The following TMC6 variants were observed in gnomAD, a reference collection of about 807,000 sequenced individuals.
TMC6 encodes transmembrane channel-like protein 6.
In TMC6, 71 loss-of-function variants were observed where a neutral mutation model predicts 95.4. The ratio of observed to expected loss-of-function variants is 0.74; its 90% CI spans 0.61 to 0.91. The LOEUF (loss-of-function observed/expected upper bound fraction) is 0.91, where lower values mean the gene tolerates loss of function less well. TMC6 is among the 40% of genes least tolerant of loss of function. The probability of loss-of-function intolerance (pLI) is 0.00; values close to 1 mark genes in which losing one functional copy is unlikely to be tolerated. For missense variants in TMC6, 1,074 were observed against 1,079.1 expected (o/e 1.00, Z 0.07); for synonymous variants, 514 against 483.1 (o/e 1.06, Z -0.84).
rs2144783532 is a variant in TMC6, at chr17:78,109,800, C to T, written c.*3348G>A. The T allele has an allele frequency of 2.9e-6, 1 of 342,934 alleles. No homozygotes were observed. Among genetic ancestry groups the T allele is most frequent in the East Asian group, 8.0e-5 (1 of 12,452 alleles). The allele number at this position is 342,934 out of a possible 1,614,324, so 21.2% of individuals were successfully genotyped here. ...ATTCACATCCGGCCAGGCATGGTGG[C>T]TCATGCCTGTAATCCCAGCACTTTG... On this transcript the variant is annotated 3_prime_UTR_variant, in exon 20 of 20. Coordinates refer to ENST00000590602, the MANE Select transcript of TMC6 (RefSeq NM_001127198.5).
Position 78,128,305 on chromosome 17 carries a change from T to TC in TMC6, c.-75+306dup, listed in dbSNP as rs2074840607. 6.6e-6 allele frequency among the ~76,000 whole-genome samples: 1 copy of TC among 151,310 alleles called. No homozygotes were observed. The highest frequency in any genetic ancestry group is 2.4e-5 in the African/African-American group (1 of 41,218). ...CGAACCCGTCCAGCCGGCCTCCCTGTCCCCCGCCCCTTCCCATCCCGGCCA... is the reference window on the plus strand; with the variant it reads ...CGAACCCGTCCAGCCGGCCTCCCTGTCCCCCCGCCCCTTCCCATCCCGGCCA... On this transcript the variant is annotated intron_variant, in intron 1 of 19. Transcript: ENST00000590602. The surrounding 1 kb of genome is among the most constrained non-coding windows in gnomAD (Gnocchi z 4.0).
In TMC6 at chr17:78,112,809, C is replaced by G. The variant is rs2073860680; in HGVS notation, c.*339G>C. The G allele has an allele frequency of 2.5e-6, 1 of 406,582 alleles. No individual in the cohort carries two copies. Among genetic ancestry groups the G allele is most frequent in the Non-Finnish European group, 4.5e-6 (1 of 224,182 alleles). 25.2% of individuals were successfully genotyped at this position (406,582 alleles called of 1,614,324 possible). On this transcript the variant is annotated 3_prime_UTR_variant, in exon 20 of 20. Coordinates refer to ENST00000590602, the MANE Select transcript of TMC6 (RefSeq NM_001127198.5). ...GGGGCTTGGCCAGCAGAGGGCGCCC[C>G]CACTCCAGCTGAGGTTCCCAGGACC...
Position 78,124,723 on chromosome 17 carries a change from C to T in TMC6, c.692G>A (p.Arg231His), listed in dbSNP as rs748531251. Residue 231 changes from arginine to histidine, a missense_variant, in exon 8 of 20, where the codon CGC (arginine) becomes CAC (histidine). Coordinates refer to ENST00000590602, the MANE Select transcript of TMC6 (RefSeq NM_001127198.5). ...GCCCCCGATGCGCTTCAGGGCGTAG[C>T]GCCACGGCATCAGGGCCTGCAGGGC... ...LSALQALMPWRYALKRIGGQF... is the reference protein window; with the variant it reads ...LSALQALMPWHYALKRIGGQF... 13 of 1,591,798 alleles carry T rather than the reference C, an allele frequency of 8.2e-6. No individual in the cohort carries two copies. Among genetic ancestry groups the T allele is most frequent in the Admixed American group, 7.1e-5 (4 of 56,152 alleles).
chr17:78,120,773 C>A lies in TMC6; in HGVS notation c.1595G>T (p.Arg532Met). The change falls in exon 13 of 20, where the codon AGG becomes ATG. Residue 532 changes from arginine to methionine, a missense_variant. Physicochemically the swap from Arg to Met is moderately conservative, Grantham distance 91. Coordinates refer to ENST00000590602, the MANE Select transcript of TMC6 (RefSeq NM_001127198.5). Reference sequence around the variant, plus strand: ...GCACTGGCCCTGCAGGACGCCCACCCTGCGGCCCAGCCAGTGGTAGCACAG... The same window carrying A: ...GCACTGGCCCTGCAGGACGCCCACCATGCGGCCCAGCCAGTGGTAGCACAG... ...GTLCYHWLGR[R>M]VGVLQGQCWE... 6.2e-7 allele frequency: 1 copy of A among 1,613,362 alleles called. No individual in the cohort carries two copies. Among genetic ancestry groups the A allele is most frequent in the South Asian group, 1.1e-5 (1 of 91,086 alleles).
intron 12 of TMC6, 66 bp from the exon 13 acceptor site, chr17:78,120,898 C>T (rs1598850956): frequency 3.1e-6 from 5 of 1,611,036 alleles, no homozygotes; most frequent in Middle Eastern, 1.6e-4. Flanking sequence ...CCCCAGGGCC[C>T]CCACCAGGGG....
intron 15 of TMC6, among the ~76,000 whole-genome samples, chr17:78,118,578 G>C (rs114148537): frequency 4.6e-5 from 5 of 109,644 alleles, no homozygotes; most frequent in Non-Finnish European, 9.4e-5. Flanking sequence ...AAAATAAAAA[G>C]ACAGGAGCCA....
rs1440334090 is a variant in TMC6 at position 78,124,893 on chromosome 17, A to T, written c.629T>A (p.Val210Glu). 6.3e-7 allele frequency: 1 copy of T among 1,596,612 alleles called. No homozygotes were observed. Among genetic ancestry groups the T allele is most frequent in the Admixed American group, 1.7e-5 (1 of 57,946 alleles). Residue 210 changes from valine to glutamate, a missense_variant, in exon 7 of 20, where the codon GTG becomes GAG. By Grantham distance (121) the Val-to-Glu change is moderately radical. Transcript: ENST00000590602. ...SCCGRLRYAC[V>E]LALHSLGLAL... ...GGGCAGACCAGGGGCCCATACCAGC[A>T]CGCAGGCATATCTGAGCCGGCCACA... is the stretch of plus-strand genomic sequence containing the variant.
In TMC6 at chr17:78,119,400, C is replaced by G. The variant is rs781091487; in HGVS notation, c.1716-8G>C. On this transcript the variant is annotated splice_region_variant and splice_polypyrimidine_tract_variant and intron_variant, in intron 13 of 19. Coordinates refer to ENST00000590602, the MANE Select transcript of TMC6 (RefSeq NM_001127198.5). ...TTCTTCTCGGAGATAATCCTGCCTCCGAGGACCCCGGATCGTTAGATGGGA... is the reference window on the plus strand; with the variant it reads ...TTCTTCTCGGAGATAATCCTGCCTCGGAGGACCCCGGATCGTTAGATGGGA... 6.2e-7 allele frequency: 1 copy of G among 1,613,788 alleles called. No individual in the cohort carries two copies. The highest frequency in any genetic ancestry group is 1.1e-5 in the South Asian group (1 of 91,076).
In TMC6 at chr17:78,121,314, G is replaced by T. The variant is rs1418444999; in HGVS notation, c.1384-150C>A. ...CCAGGCCTCAAGTTCAAACCACACA[G>T]GAAGCAGGGAGGGGTACAAGTAGTG... On this transcript the variant is annotated intron_variant, in intron 11 of 19. Transcript: ENST00000590602. This position sits in a 1 kb window ranked among gnomAD's most constrained non-coding sequence, Gnocchi z 5.6. 4.4e-6 allele frequency: 6 copies of T among 1,375,848 alleles called. No individual in the cohort carries two copies. The highest frequency in any genetic ancestry group is 5.0e-6 in the Non-Finnish European group (5 of 1,008,312). The allele number at this position is 1,375,848 out of a possible 1,614,324, so 85.2% of individuals were successfully genotyped here.
In TMC6 at chr17:78,108,940, G is replaced by A. The variant is rs933514573; in HGVS notation, c.*4208C>T. On this transcript the variant is annotated 3_prime_UTR_variant, in exon 20 of 20. Transcript: ENST00000590602. ...ACTGCAACCTTGACCTCAAGGTTAA[G>A]CTCCAGCGATCTTCCGACCTCAGCC... The A allele has an allele frequency of 6.8e-6, 1 of 147,270 alleles. No homozygotes were observed. Among genetic ancestry groups the A allele is most frequent in the Admixed American group, 6.5e-5 (1 of 15,280 alleles). The allele number at this position is 147,270 out of a possible 1,614,324, so 9.1% of individuals were successfully genotyped here.
rs201966081 is a variant in TMC6 at position 78,124,117 on chromosome 17, C to T, written c.954G>A (p.Pro318=). ...GGCTGCCATCCAGGGGGCTGCCACA[C>T]GGCTGGTTCAGCGTGGCGTTACTGT... is the stretch of plus-strand genomic sequence containing the variant. The part of the protein sequence containing the change: ...GHYSNATLNQ[P]CGSPLDGSQC... The change falls in exon 9 of 20, where the codon CCG becomes CCA. Residue 318 remains proline (P), a synonymous_variant. Coordinates refer to ENST00000590602, the MANE Select transcript of TMC6 (RefSeq NM_001127198.5). 138 of 1,613,034 alleles carry T rather than the reference C, an allele frequency of 8.6e-5. No homozygotes were observed. The highest frequency in any genetic ancestry group is 1.3e-4 in the South Asian group (12 of 91,076).
intron 19 of TMC6, 72 bp downstream of exon 19, chr17:78,113,476 G>T: frequency 1.3e-6 from 2 of 1,548,932 alleles, no homozygotes; most frequent in Non-Finnish European, 8.9e-7. Context: ...CCCAGTGGCA[G>T]CCCTACTGTC....
At chr17:78,119,454 T>C (rs757770876) in intron 13 of TMC6, 62 bp from the exon 14 acceptor site, 32 of 1,556,430 alleles carry the variant, frequency 2.1e-5, no homozygotes, top group Non-Finnish European at 2.8e-5. Context: ...CCAGCCTGAG[T>C]CCCCACACCC....
chr17:78,128,973 A>G (rs991994204), upstream of TMC6, among the ~76,000 whole-genome samples: 1 of 151,708 alleles, frequency 6.6e-6, no homozygotes, highest in African/African-American at 2.4e-5. The surrounding 1 kb of genome is among the most constrained non-coding windows in gnomAD (Gnocchi z 4.0). Flanking sequence ...GAAGTCCCCA[A>G]TTTTTCTGAC....
chr17:78,119,407 C>T lies in TMC6; in HGVS notation c.1716-15G>A, dbSNP rs1380025338. 6.2e-7 allele frequency: 1 copy of T among 1,613,576 alleles called. No individual in the cohort carries two copies. The highest frequency in any genetic ancestry group is 8.5e-7 in the Non-Finnish European group (1 of 1,179,814). On this transcript the variant is annotated splice_polypyrimidine_tract_variant and intron_variant, in intron 13 of 19. Coordinates refer to ENST00000590602, the MANE Select transcript of TMC6 (RefSeq NM_001127198.5). ...CGGAGATAATCCTGCCTCCGAGGACCCCGGATCGTTAGATGGGAAAGCCAT... is the reference window on the plus strand; with the variant it reads ...CGGAGATAATCCTGCCTCCGAGGACTCCGGATCGTTAGATGGGAAAGCCAT...
chr17:78,123,763 G>C (rs909981961), intron 9 of TMC6, among the ~76,000 whole-genome samples: 1 of 151,026 alleles, frequency 6.6e-6, no homozygotes, highest in African/African-American at 2.4e-5. Context: ...TGGGTGAATT[G>C]AGTGGGTGGA....
At chr17:78,114,077 T>C in intron 18 of TMC6, 1 of 300,158 alleles carries the variant, frequency 3.3e-6, no homozygotes. Flanking sequence ...CAACTTTCAG[T>C]TCTGGAAGTG....
intron 19 of TMC6, among the ~76,000 whole-genome samples, 155 bp from the exon 20 acceptor site, chr17:78,113,366 C>A (rs1341316754): frequency 2.0e-5 from 3 of 152,190 alleles, no homozygotes; most frequent in Non-Finnish European, 4.4e-5. Flanking sequence ...GGCCAGGCTC[C>A]GGAGGCCAGA....
rs997797365 is a variant in TMC6 at position 78,128,287 on chromosome 17, G to T, written c.-75+325C>A. On this transcript the variant is annotated intron_variant, in intron 1 of 19. Coordinates refer to ENST00000590602, the MANE Select transcript of TMC6 (RefSeq NM_001127198.5). The surrounding 1 kb of genome is among the most constrained non-coding windows in gnomAD (Gnocchi z 4.0). The stretch of plus-strand genomic sequence containing the variant: ...CTGCAACTCTGGGGCCACCGAACCC[G>T]TCCAGCCGGCCTCCCTGTCCCCCGC... 6.6e-6 allele frequency among the ~76,000 whole-genome samples: 1 copy of T among 151,872 alleles called. No individual in the cohort carries two copies. The highest frequency in any genetic ancestry group is 1.5e-5 in the Non-Finnish European group (1 of 67,942).
Sources: allele counts gnomAD v4.1 joint callset (sites outside exome capture counted in the v4.1 genomes callset), GRCh38; gene constraint gnomAD v4.1.1; non-coding constraint Gnocchi (gnomAD v3.1); transcripts MANE v1.5; gene names NCBI Gene and HGNC (gene_info 2026-07-23, HGNC 2026-07-21).